VPS13C: variants seen among roughly 807,000 people sequenced by gnomAD.
VPS13C encodes the protein intermembrane lipid transfer protein VPS13C.
A neutral mutation model predicts 456.8 loss-of-function variants in VPS13C; 358 were observed. That is an observed-to-expected ratio of 0.78 (90% CI 0.72 to 0.86). The LOEUF is 0.86. Ranked by LOEUF, VPS13C falls within the 40% of genes least tolerant of loss-of-function variation. The probability of loss-of-function intolerance (pLI) is 0.00; values close to 1 mark genes in which losing one functional copy is unlikely to be tolerated. For missense variants in VPS13C, 4,818 were observed against 4,385.4 expected (o/e 1.10, Z -2.79); for synonymous variants, 1,578 against 1,486.7 (o/e 1.06, Z -1.41).
chr15:62,060,446 G>T lies in VPS13C; in HGVS notation c.-72C>A. 4.1e-6 allele frequency: 3 copies of T among 726,066 alleles called. No individual in the cohort carries two copies. The highest frequency in any genetic ancestry group is 6.7e-6 in the Non-Finnish European group (3 of 449,296). The allele number at this position is 726,066 out of a possible 1,614,324, so 45.0% of individuals were successfully genotyped here. A position where few individuals can be genotyped will look rare whatever the true frequency, so the allele number is the denominator to read the frequency against. The stretch of plus-strand genomic sequence containing the variant: ...GCAGCTGAGGGCTGCGACCAGCGCT[G>T]CAAATGACAGCCCCTCCGGCGCAGG... On this transcript the variant is annotated 5_prime_UTR_variant, in exon 1 of 85. Transcript: ENST00000644861.
At chr15:61,927,785 G>C (rs1216743093) in intron 51 of VPS13C, among the ~76,000 whole-genome samples, 2 of 152,114 alleles carry the variant, frequency 1.3e-5, no homozygotes, top group African/African-American at 4.8e-5. Flanking sequence ...CAAAGACTTG[G>C]AACCAACCCA....
At chr15:61,921,047 A>C (rs2043638385) in intron 55 of VPS13C, among the ~76,000 whole-genome samples, 1 of 152,106 alleles carries the variant, frequency 6.6e-6, no homozygotes, top group African/African-American at 2.4e-5. Context: ...TCTATTTTTT[A>C]AACCAATAAC....
intron 3 of VPS13C, among the ~76,000 whole-genome samples, chr15:62,040,852 G>C (rs984042771): frequency 6.6e-6 from 1 of 152,138 alleles, no homozygotes; most frequent in African/African-American, 2.4e-5. Flanking sequence ...CTTAGTGTAG[G>C]AGTTTAACTG....
At chr15:62,025,928 A>G (rs940398506) in intron 6 of VPS13C, among the ~76,000 whole-genome samples, 1 of 151,538 alleles carries the variant, frequency 6.6e-6, no homozygotes, top group South Asian at 2.1e-4. Flanking sequence ...AATAACATAC[A>G]GTTATAAAAA....
chr15:61,993,450 T>G (rs763444770), intron 16 of VPS13C, among the ~76,000 whole-genome samples: 21 of 152,068 alleles, frequency 1.4e-4, no homozygotes, highest in Admixed American at 1.1e-3. Context: ...GAAATCAAGA[T>G]AGTATGGCGA....
At chr15:61,944,046 C>T (rs1307578253) in intron 45 of VPS13C, among the ~76,000 whole-genome samples, 1 of 152,046 alleles carries the variant, frequency 6.6e-6, no homozygotes, top group Non-Finnish European at 1.5e-5. Flanking sequence ...AAATGTTCCA[C>T]ATCACTAACA....
intron 81 of VPS13C, chr15:61,863,744 T>C (rs1481646213): frequency 7.8e-6 from 3 of 385,736 alleles, no homozygotes; most frequent in Non-Finnish European, 1.4e-5. Context: ...ATGTAATAAA[T>C]GCTTACCAAG....
In VPS13C at chr15:61,955,978, A is replaced by T. The variant is rs576507872; in HGVS notation, c.4166-1424T>A. 6.1e-4 allele frequency among the ~76,000 whole-genome samples: 93 copies of T among 152,262 alleles called. 1 individual carries two copies. Among genetic ancestry groups the T allele is most frequent in the South Asian group, 5.0e-3 (24 of 4,822 alleles). ...ACCCAGCACTCCTATTACAGGGTAC[A>T]TACCCAAAGAAAAATACCTCATTCT... On this transcript the variant is annotated intron_variant, in intron 37 of 84. Transcript: ENST00000644861.
intron 5 of VPS13C, among the ~76,000 whole-genome samples, chr15:62,030,256 A>G (rs1025486547): frequency 6.6e-6 from 1 of 152,312 alleles, no homozygotes; most frequent in East Asian, 1.9e-4. Flanking sequence ...AAAAGGTTGT[A>G]TAAGAAAGGA....
At chr15:62,014,753 A>T (rs1366306153) in intron 9 of VPS13C, among the ~76,000 whole-genome samples, 1 of 152,162 alleles carries the variant, frequency 6.6e-6, no homozygotes, top group Non-Finnish European at 1.5e-5. Flanking sequence ...ACTTCAGTGA[A>T]TGAATGTGGT....
chr15:61,984,473 C>T (rs1267059941), intron 19 of VPS13C, among the ~76,000 whole-genome samples: 2 of 152,184 alleles, frequency 1.3e-5, no homozygotes, highest in African/African-American at 4.8e-5. Context: ...TTTAATTTTA[C>T]AATACCTTCT....
At chr15:62,005,407 T>G (rs1416250853) in intron 15 of VPS13C, among the ~76,000 whole-genome samples, 20 of 152,136 alleles carry the variant, frequency 1.3e-4, no homozygotes, top group Non-Finnish European at 2.4e-4. Context: ...GAGCCTATTT[T>G]TGTCTCTGCA....
rs1219244512 is a variant in VPS13C at position 61,966,055 on chromosome 15, G to A, written c.3051+28C>T. 7.0e-6 allele frequency: 11 copies of A among 1,567,976 alleles called. No individual in the cohort carries two copies. The Admixed American group carries it at 1.2e-4, about 17-fold the overall frequency. Reference sequence around the variant, plus strand: ...TTGAGACTAGGTTATTTTCAAACAGGATAAATTCCTTTAACAGAATTTCTT... The same window carrying A: ...TTGAGACTAGGTTATTTTCAAACAGAATAAATTCCTTTAACAGAATTTCTT... On this transcript the variant is annotated intron_variant, in intron 30 of 84. Coordinates refer to ENST00000644861, the MANE Select transcript of VPS13C (RefSeq NM_020821.3).
chr15:61,920,137 C>CA lies in VPS13C; in HGVS notation c.7406dup (p.Met2469IlefsTer46). ...ATAGGTTCCCTTGACTTGAAGGTAC[C>CA]ATGCTGGCATACTCCAGTTCCAAAT... On this transcript the variant is annotated frameshift_variant, in exon 57 of 85. Coordinates refer to ENST00000644861, the MANE Select transcript of VPS13C (RefSeq NM_020821.3). LOFTEE classifies it high-confidence loss of function. 6.2e-7 allele frequency: 1 copy of CA among 1,613,368 alleles called. No individual in the cohort carries two copies. The highest frequency in any genetic ancestry group is 8.5e-7 in the Non-Finnish European group (1 of 1,179,538).
At chr15:61,946,687 T>C (rs576578574) in intron 43 of VPS13C, among the ~76,000 whole-genome samples, 1 of 151,596 alleles carries the variant, frequency 6.6e-6, no homozygotes, top group South Asian at 2.1e-4. Context: ...AAATTCAAAT[T>C]AATTTAGAAA....
At chr15:61,877,984 C>T (rs1895577752) in intron 74 of VPS13C, among the ~76,000 whole-genome samples, 1 of 148,280 alleles carries the variant, frequency 6.7e-6, no homozygotes, top group Non-Finnish European at 1.5e-5. Context: ...TAATTATTTT[C>T]ATTGATTTTG....
chr15:61,866,816 T>C lies in VPS13C; in HGVS notation c.10863+1843A>G, dbSNP rs565375640. The C allele has an allele frequency of 2.0e-4, 193 of 977,492 alleles. No individual in the cohort carries two copies. The African/African-American group carries it at 3.2e-3, about 16-fold the overall frequency. 60.6% of individuals were successfully genotyped at this position (977,492 alleles called of 1,614,324 possible). On this transcript the variant is annotated intron_variant, in intron 81 of 84. Coordinates refer to ENST00000644861, the MANE Select transcript of VPS13C (RefSeq NM_020821.3). ...ACATTCAATTTATTATTTTGATAACTGCAATCCTTAAAATACATAATCCAA... is the reference window on the plus strand; with the variant it reads ...ACATTCAATTTATTATTTTGATAACCGCAATCCTTAAAATACATAATCCAA...
At chr15:61,948,357 A>C (rs1014587057) in intron 42 of VPS13C, among the ~76,000 whole-genome samples, 16 of 152,124 alleles carry the variant, frequency 1.1e-4, no homozygotes, top group Non-Finnish European at 2.2e-4. Flanking sequence ...CTAGTTTATA[A>C]GGAAATTGTT....
intron 9 of VPS13C, among the ~76,000 whole-genome samples, chr15:62,020,037 C>A (rs1160464492): frequency 6.6e-6 from 1 of 151,058 alleles, no homozygotes; most frequent in Non-Finnish European, 1.5e-5. Context: ...AAAAGAAAAA[C>A]TCATTATAAA....
Sources: allele counts gnomAD v4.1 joint callset (sites outside exome capture counted in the v4.1 genomes callset), GRCh38; gene constraint gnomAD v4.1.1; transcripts MANE v1.5; gene names NCBI Gene and HGNC (gene_info 2026-07-23, HGNC 2026-07-21).